The following NAV3 variants were observed in gnomAD, a reference collection of about 807,000 sequenced individuals.
The protein encoded by NAV3 is neuron navigator 3.
In NAV3, 87 loss-of-function variants were observed where a neutral mutation model predicts 244.7. That is an observed-to-expected ratio of 0.36 (90% CI 0.30 to 0.42). The LOEUF is 0.42. Among genes scored for constraint, NAV3 ranks in the 20% least tolerant of loss-of-function variants. The pLI is 1.00. For missense variants in NAV3, 2,663 were observed against 2,893.3 expected (o/e 0.92, Z 1.83); for synonymous variants, 1,126 against 1,042.2 (o/e 1.08, Z -1.55).
At chr12:78,053,930 A>G in intron 11 of NAV3, among the ~76,000 whole-genome samples, 1 of 152,196 alleles carries the variant, frequency 6.6e-6, no homozygotes, top group East Asian at 1.9e-4. Flanking sequence ...AATAATGATG[A>G]TTGACAATAT....
intron 1 of NAV3, among the ~76,000 whole-genome samples, chr12:77,900,406 G>A (rs56277074): frequency 0.36 from 54,773 of 151,976 alleles, 10,395 homozygotes; most frequent in African/African-American, 0.47. Context: ...TGTGTACTCA[G>A]TGCTTAGCTC....
At chr12:78,053,954 T>C (rs1286695086) in intron 11 of NAV3, among the ~76,000 whole-genome samples, 1 of 152,188 alleles carries the variant, frequency 6.6e-6, no homozygotes, top group Non-Finnish European at 1.5e-5. Context: ...CTCACACTCA[T>C]GTAGAATGTT....
intron 2 of NAV3, among the ~76,000 whole-genome samples, chr12:77,791,429 A>G (rs1182615456): frequency 1.3e-5 from 2 of 152,116 alleles, no homozygotes; most frequent in Non-Finnish European, 2.9e-5. Context: ...GATAGGCCCT[A>G]ATGATAAAAT....
intron 12 of NAV3, among the ~76,000 whole-genome samples, chr12:78,099,495 G>A (rs1195042356): frequency 6.6e-6 from 1 of 151,668 alleles, no homozygotes; most frequent in Non-Finnish European, 1.5e-5. Context: ...TTTCTGCACT[G>A]CCCAGTCTTC....
At chr12:77,729,288 G>A (rs1400849433) in intron 2 of NAV3, among the ~76,000 whole-genome samples, 3 of 151,914 alleles carry the variant, frequency 2.0e-5, no homozygotes, top group Non-Finnish European at 4.4e-5. Flanking sequence ...CAGTGTGTTG[G>A]TCTTAGAATG....
At chr12:77,575,331 T>A (rs1380891430) in intron 2 of NAV3, among the ~76,000 whole-genome samples, 1 of 152,118 alleles carries the variant, frequency 6.6e-6, no homozygotes, top group African/African-American at 2.4e-5. Context: ...GGATCTCAAG[T>A]CAACTTGGAT....
At chr12:77,939,288 CTA>C (rs1889634801) in intron 1 of NAV3, among the ~76,000 whole-genome samples, 2 of 152,092 alleles carry the variant, frequency 1.3e-5, no homozygotes, top group African/African-American at 4.8e-5. Flanking sequence ...GTCGGCTTTT[CTA>C]TATGTTATAC....
At chr12:77,981,567 T>C (rs1397331838) in intron 5 of NAV3, among the ~76,000 whole-genome samples, 2 of 152,092 alleles carry the variant, frequency 1.3e-5, no homozygotes, top group African/African-American at 4.8e-5. Context: ...TTCCTTAGCA[T>C]TAAACTTTAA....
At chr12:77,765,867 C>T (rs1440831937) in intron 2 of NAV3, among the ~76,000 whole-genome samples, 1 of 151,754 alleles carries the variant, frequency 6.6e-6, no homozygotes, top group African/African-American at 2.4e-5. Context: ...AATTATAACA[C>T]AAAAACAAGA....
chr12:77,791,900 A>G (rs1871193510), intron 2 of NAV3, among the ~76,000 whole-genome samples: 2 of 152,244 alleles, frequency 1.3e-5, no homozygotes, highest in Admixed American at 1.3e-4. Flanking sequence ...GTATGCCTGT[A>G]AGGATATGCA....
At chr12:77,587,158 C>G (rs1869654794) in intron 2 of NAV3, among the ~76,000 whole-genome samples, 1 of 151,984 alleles carries the variant, frequency 6.6e-6, no homozygotes, top group Non-Finnish European at 1.5e-5. Flanking sequence ...AAATTATTAT[C>G]TATAATAAAT....
chr12:78,179,359 G>A, intron 28 of NAV3, 170 bp from the exon 29 acceptor site: 1 of 593,760 alleles, frequency 1.7e-6, no homozygotes, highest in Admixed American at 3.8e-5. Flanking sequence ...TTGAACCTGT[G>A]AATGCATAAC....
chr12:77,668,712 A>G (rs1414689530), intron 2 of NAV3, among the ~76,000 whole-genome samples: 1 of 152,240 alleles, frequency 6.6e-6, no homozygotes, highest in Non-Finnish European at 1.5e-5. Flanking sequence ...AAAACTTTGG[A>G]AAACATATTT....
intron 2 of NAV3, among the ~76,000 whole-genome samples, chr12:77,622,163 T>C (rs940821753): frequency 2.0e-5 from 3 of 151,090 alleles, no homozygotes; most frequent in Non-Finnish European, 4.4e-5. Flanking sequence ...TTTTCTGTTT[T>C]CTTTTTTCTT....
chr12:77,871,899 C>T (rs1881028618), intron 1 of NAV3, among the ~76,000 whole-genome samples: 1 of 152,184 alleles, frequency 6.6e-6, no homozygotes, highest in Non-Finnish European at 1.5e-5. Context: ...TTTACACTCC[C>T]ACCAACAGTG....
At chr12:77,921,457 C>G (rs149934786) in intron 1 of NAV3, among the ~76,000 whole-genome samples, 2 of 152,150 alleles carry the variant, frequency 1.3e-5, no homozygotes, top group African/African-American at 4.8e-5. Context: ...CTTACATAAA[C>G]GTTGGCAGCC....
chr12:77,882,157 C>T (rs1053076686), intron 1 of NAV3, among the ~76,000 whole-genome samples: 3 of 152,164 alleles, frequency 2.0e-5, no homozygotes, highest in Admixed American at 6.6e-5. Context: ...GAAGGCATCA[C>T]ACTACATGAC....
chr12:78,168,106 T>C (rs1429389361), intron 23 of NAV3, among the ~76,000 whole-genome samples: 1 of 151,728 alleles, frequency 6.6e-6, no homozygotes, highest in Non-Finnish European at 1.5e-5. Context: ...TTTTATTTAC[T>C]TTATTCCTGT....
At position 77,994,852 on chromosome 12, in the gene NAV3, A is replaced by C; in HGVS notation, c.721A>C (p.Ser241Arg). 6.2e-7 allele frequency: 1 copy of C among 1,609,438 alleles called. No individual in the cohort carries two copies. Among genetic ancestry groups the C allele is most frequent in the Non-Finnish European group, 8.5e-7 (1 of 1,177,420 alleles). ...GTCTAATCACAGTGGAATTGCAACCAGTCAAAAAAAGCCTACTAGGTCAGT... is the reference window on the plus strand; with the variant it reads ...GTCTAATCACAGTGGAATTGCAACCCGTCAAAAAAAGCCTACTAGGTCAGT... Reference protein sequence around the residue: ...TQSNHSGIATSQKKPTRLPGP... With the variant: ...TQSNHSGIATRQKKPTRLPGP... Residue 241 changes from serine (S) to arginine (R), a missense_variant, in exon 6 of 40, where the codon AGT becomes CGT. Transcript: ENST00000397909.
Sources: gnomAD v4.1 joint callset for allele counts (sites outside exome capture counted in the v4.1 genomes callset) on GRCh38, gnomAD v4.1.1 for gene constraint, MANE v1.5 for transcripts, NCBI Gene and HGNC (gene_info 2026-07-23, HGNC 2026-07-21) for gene names.